CFAP53: variants seen among roughly 807,000 people sequenced by gnomAD.
CFAP53 encodes cilia and flagella associated protein 53.
Under a neutral mutation model 59.7 loss-of-function variants are expected in CFAP53, and 62 were observed. The observed-to-expected ratio is 1.04, with a 90% CI of 0.85 to 1.28. The LOEUF is 1.28. Ranked by LOEUF, CFAP53 falls within the 50% of genes most tolerant of loss-of-function variation. The probability of loss-of-function intolerance (pLI) is 0.00; values close to 1 mark genes in which losing one functional copy is unlikely to be tolerated. For missense variants in CFAP53, 629 were observed against 615.6 expected (o/e 1.02, Z -0.23); for synonymous variants, 218 against 205.7 (o/e 1.06, Z -0.51).
At chr18:50,264,885 T>C (rs896534045) in intron 1 of CFAP53, among the ~76,000 whole-genome samples, 1 of 152,216 alleles carries the variant, frequency 6.6e-6, no homozygotes, top group African/African-American at 2.4e-5. Context: ...CTTCATGAAG[T>C]GTGTTTATAA....
chr18:50,237,727 C>T (rs2033651823), intron 7 of CFAP53, among the ~76,000 whole-genome samples: 1 of 152,084 alleles, frequency 6.6e-6, no homozygotes, highest in Admixed American at 6.5e-5. Context: ...AGGGAGGTAG[C>T]TGCCTGTTTC....
At chr18:50,237,475 ATGT>A (rs1363615951) in intron 7 of CFAP53, among the ~76,000 whole-genome samples, 1 of 150,084 alleles carries the variant, frequency 6.7e-6, no homozygotes, top group Non-Finnish European at 1.5e-5. Context: ...GGTAGGCCAG[ATGT>A]TGTTGTTTGT....
chr18:50,240,221 T>C (rs1408399161), intron 6 of CFAP53, among the ~76,000 whole-genome samples: 2 of 151,118 alleles, frequency 1.3e-5, no homozygotes, highest in Non-Finnish European at 3.0e-5. Flanking sequence ...CCTGACTCAT[T>C]CTGATCACCT....
chr18:50,242,593 A>G (rs1402572230), intron 6 of CFAP53, among the ~76,000 whole-genome samples: 1 of 152,222 alleles, frequency 6.6e-6, no homozygotes, highest in Non-Finnish European at 1.5e-5. Context: ...GATACAAAGG[A>G]CAAGGGGGAG....
In CFAP53 at chr18:50,266,415, C is replaced by T. The variant is rs1237075088; in HGVS notation, c.-11G>A. On this transcript the variant is annotated 5_prime_UTR_variant, in exon 1 of 8. Transcript: ENST00000398545. ...CCGCTGGCTGTACATTTTCGAGTCC[C>T]CTTCGGGACGGGGGCGGCGTCCGCC... The T allele has an allele frequency of 6.2e-7, 1 of 1,614,172 alleles. No individual in the cohort carries two copies. The highest frequency in any genetic ancestry group is 2.2e-5 in the East Asian group (1 of 44,888).
Position 50,250,773 on chromosome 18 carries a change from T to C in CFAP53, c.981A>G (p.Lys327=), listed in dbSNP as rs1204762271. The C allele has an allele frequency of 6.2e-7, 1 of 1,614,002 alleles. No homozygotes were observed. The change falls in exon 5 of 8, where the codon AAA becomes AAG. Residue 327 remains lysine (K), a synonymous_variant. Coordinates refer to ENST00000398545, the MANE Select transcript of CFAP53 (RefSeq NM_145020.5). ...ALQDLQEEAD[K]KKQKREDMIR... is the part of the protein sequence containing the mutation. ...AATGTCTTACTCTTTTTTGTTTCTT[T>C]TTATCTGCCTCTTCCTGTAAGTCTT... is the stretch of plus-strand genomic sequence containing the variant.
chr18:50,248,544 G>C (rs976483523), intron 5 of CFAP53, among the ~76,000 whole-genome samples: 10 of 152,144 alleles, frequency 6.6e-5, no homozygotes, highest in African/African-American at 2.4e-4. Flanking sequence ...AGCACTTTGG[G>C]AGGCTAAGGT....
At chr18:50,262,561 G>A (rs1361200375) in intron 1 of CFAP53, among the ~76,000 whole-genome samples, 1 of 152,150 alleles carries the variant, frequency 6.6e-6, no homozygotes, top group Non-Finnish European at 1.5e-5. Flanking sequence ...GCTTCAAATA[G>A]GGCAGATAAA....
At chr18:50,228,393 C>T (rs1431721248) in intron 7 of CFAP53, among the ~76,000 whole-genome samples, 2 of 152,144 alleles carry the variant, frequency 1.3e-5, no homozygotes, top group Non-Finnish European at 2.9e-5. Flanking sequence ...TTAGCCTTAT[C>T]TTATCATTCT....
At chr18:50,257,475 C>T (rs2033856158) in intron 3 of CFAP53, among the ~76,000 whole-genome samples, 1 of 152,162 alleles carries the variant, frequency 6.6e-6, no homozygotes, top group Admixed American at 6.5e-5. Context: ...TATGCTTACA[C>T]TGAACAACGT....
At chr18:50,242,609 T>C (rs1435824711) in intron 6 of CFAP53, among the ~76,000 whole-genome samples, 2 of 152,234 alleles carry the variant, frequency 1.3e-5, no homozygotes, top group African/African-American at 2.4e-5. Flanking sequence ...GGGAGCTGTA[T>C]GTCTGTGCCC....
intron 7 of CFAP53, among the ~76,000 whole-genome samples, chr18:50,228,723 G>A (rs999893014): frequency 5.3e-5 from 8 of 152,060 alleles, no homozygotes; most frequent in African/African-American, 1.4e-4. Context: ...CCCAGGAGGC[G>A]GAGGTTGCAG....
chr18:50,242,031 A>T lies in CFAP53; in HGVS notation c.1213+869T>A, dbSNP rs143123803. Among the ~76,000 whole-genome samples the T allele has an allele frequency of 9.9e-5, 15 of 152,282 alleles. 2 individuals carry two copies. The East Asian group carries it at 2.9e-3, about 29-fold the overall frequency. Reference sequence around the variant, plus strand: ...CTACCCCCAGGAATGCATTCCTTCCACAGGGCTATTCCTTGCTGGGAAAAG... The same window carrying T: ...CTACCCCCAGGAATGCATTCCTTCCTCAGGGCTATTCCTTGCTGGGAAAAG... On this transcript the variant is annotated intron_variant, in intron 6 of 7. Transcript: ENST00000398545.
chr18:50,229,730 TTTTC>T (rs201844225), intron 7 of CFAP53, among the ~76,000 whole-genome samples: 1,926 of 31,094 alleles, frequency 0.062, 38 homozygotes, highest in African/African-American at 0.14. Flanking sequence ...CTCTTTCTTT[TTTTC>T]TTTTTCTTTT....
Position 50,227,447 on chromosome 18 carries a change from G to T in CFAP53, c.1479C>A (p.Thr493=), listed in dbSNP as rs1414087279. 6.2e-7 allele frequency: 1 copy of T among 1,614,020 alleles called. No individual in the cohort carries two copies. ...CLDKVQEVLS[T]HQVLPQNIHP... is the part of the protein sequence containing the mutation. ...GAATGTTTTGAGGCAGCACTTGATG[G>T]GTGGACAGGACCTCCTGGACCTTGT... is the stretch of plus-strand genomic sequence containing the variant. The change falls in exon 8 of 8, where the codon ACC becomes ACA. Residue 493 remains threonine, a synonymous_variant. Transcript: ENST00000398545.
At chr18:50,263,604 G>A (rs571517388) in intron 1 of CFAP53, among the ~76,000 whole-genome samples, 26 of 152,300 alleles carry the variant, frequency 1.7e-4, no homozygotes, top group South Asian at 1.2e-3. Context: ...CTAATTAGAT[G>A]ACTGTTCTCC....
chr18:50,246,253 G>A (rs952649576), intron 5 of CFAP53, among the ~76,000 whole-genome samples: 1 of 152,148 alleles, frequency 6.6e-6, no homozygotes, highest in Admixed American at 6.6e-5. Flanking sequence ...ATATAGATTT[G>A]TTATACTGGA....
At position 50,266,436 on chromosome 18, in the gene CFAP53, C is replaced by T; in HGVS notation, c.-32G>A. The T allele has an allele frequency of 6.2e-7, 1 of 1,610,508 alleles. No individual in the cohort carries two copies. The highest frequency in any genetic ancestry group is 8.5e-7 in the Non-Finnish European group (1 of 1,176,662). On this transcript the variant is annotated 5_prime_UTR_variant, in exon 1 of 8. Coordinates refer to ENST00000398545, the MANE Select transcript of CFAP53 (RefSeq NM_145020.5). ...GTCCCCTTCGGGACGGGGGCGGCGT[C>T]CGCCGCGTTTCCCCCAACCGTGGCG... is the stretch of plus-strand genomic sequence containing the variant.
rs116455048 is a variant in CFAP53 at position 50,248,449 on chromosome 18, T to C, written c.996+2309A>G. On this transcript the variant is annotated intron_variant, in intron 5 of 7. Coordinates refer to ENST00000398545, the MANE Select transcript of CFAP53 (RefSeq NM_145020.5). ...TAAAAAACTAAACATGCAATTACTATATGACATAGCAATTGCTCTTCTAGG... is the reference window on the plus strand; with the variant it reads ...TAAAAAACTAAACATGCAATTACTACATGACATAGCAATTGCTCTTCTAGG... 3.9e-3 allele frequency among the ~76,000 whole-genome samples: 599 copies of C among 152,312 alleles called. 3 individuals are homozygous for C. Among genetic ancestry groups the C allele is most frequent in the African/African-American group, 0.014 (566 of 41,570 alleles).
Sources: allele counts gnomAD v4.1 joint callset (sites outside exome capture counted in the v4.1 genomes callset), GRCh38; gene constraint gnomAD v4.1.1; transcripts MANE v1.5; gene names NCBI Gene and HGNC (gene_info 2026-07-23, HGNC 2026-07-21).